MAST4: variants seen among roughly 807,000 people sequenced by gnomAD.
MAST4 encodes microtubule associated serine/threonine kinase family member 4, also known as microtubule-associated serine/threonine-protein kinase 4.
A neutral mutation model predicts 162.7 loss-of-function variants in MAST4; 89 were observed. The ratio of observed to expected loss-of-function variants is 0.55; its 90% CI spans 0.46 to 0.65. MAST4 has a LOEUF of 0.65. Ranked by LOEUF, MAST4 falls within the 30% of genes least tolerant of loss-of-function variation. The pLI is 0.00. For synonymous variants in MAST4, 1,479 were observed against 1,361.1 expected (o/e 1.09, Z -1.91); for missense variants, 3,153 against 3,374.0 (o/e 0.93, Z 1.62).
intron 4 of MAST4, among the ~76,000 whole-genome samples, chr5:66,958,256 A>G (rs1581013121): frequency 6.6e-6 from 1 of 152,174 alleles, no homozygotes; most frequent in South Asian, 2.1e-4. Flanking sequence ...TTTCTTTTCA[A>G]CAAACCAGGG....
At chr5:66,782,834 A>T (rs1315724592) in intron 2 of MAST4, among the ~76,000 whole-genome samples, 5 of 152,224 alleles carry the variant, frequency 3.3e-5, no homozygotes, top group African/African-American at 9.6e-5. Flanking sequence ...CCATTGACAG[A>T]TGCTAATTTT....
intron 3 of MAST4, among the ~76,000 whole-genome samples, chr5:66,861,834 C>T (rs994392219): frequency 1.2e-4 from 18 of 152,136 alleles, no homozygotes; most frequent in African/African-American, 4.3e-4. Context: ...AGTGATTACA[C>T]CCCGGTAGAA....
At chr5:67,145,005 C>A in intron 22 of MAST4, 139 bp from the exon 23 acceptor site, 1 of 898,466 alleles carries the variant, frequency 1.1e-6, no homozygotes, top group Non-Finnish European at 1.7e-6. Flanking sequence ...CTGTGGGTAC[C>A]ACACATTAAG....
chr5:66,706,238 A>G (rs190134318), intron 1 of MAST4, among the ~76,000 whole-genome samples: 95 of 152,278 alleles, frequency 6.2e-4, no homozygotes, highest in Non-Finnish European at 2.1e-4. Context: ...GACAAAGGAC[A>G]TTAGGGAAAT....
At chr5:66,799,983 CAATA>C (rs951098391) in intron 3 of MAST4, among the ~76,000 whole-genome samples, 5 of 152,132 alleles carry the variant, frequency 3.3e-5, no homozygotes, top group African/African-American at 1.2e-4. Flanking sequence ...CATAAGAACA[CAATA>C]AATATTAACT....
At chr5:66,935,674 C>CTTTT (rs113432423) in intron 4 of MAST4, among the ~76,000 whole-genome samples, 1 of 132,614 alleles carries the variant, frequency 7.5e-6, no homozygotes. Flanking sequence ...TTCTTTCTTT[C>CTTTT]TTTTTTTTTT....
intron 4 of MAST4, among the ~76,000 whole-genome samples, chr5:66,968,291 T>C (rs930740504): frequency 6.6e-6 from 1 of 152,192 alleles, no homozygotes; most frequent in African/African-American, 2.4e-5. Flanking sequence ...ATCTTTTTCT[T>C]TGCATCTCCC....
intron 11 of MAST4, 78 bp downstream of exon 11, chr5:67,110,277 G>T (rs1766085818): frequency 9.6e-7 from 1 of 1,038,770 alleles, no homozygotes; most frequent in Non-Finnish European, 1.5e-6. Flanking sequence ...TCCTTCATTT[G>T]GTTTCCAGCA....
intron 2 of MAST4, among the ~76,000 whole-genome samples, chr5:66,774,805 G>A (rs1032205464): frequency 6.6e-6 from 1 of 152,040 alleles, no homozygotes; most frequent in Non-Finnish European, 1.5e-5. Flanking sequence ...ACATATTCAA[G>A]TTTACTTGAA....
At chr5:67,142,578 T>TC in intron 21 of MAST4, 45 bp downstream of exon 21, 1 of 1,298,808 alleles carries the variant, frequency 7.7e-7, no homozygotes, top group Non-Finnish European at 1.1e-6. Context: ...TCTGGGAGGA[T>TC]CTCCCGCTGG....
chr5:66,767,620 AC>A (rs1255046257), intron 2 of MAST4, among the ~76,000 whole-genome samples: 1 of 152,018 alleles, frequency 6.6e-6, no homozygotes, highest in Non-Finnish European at 1.5e-5. Context: ...ACACACACAC[AC>A]ATATATATAA....
At chr5:66,857,947 A>C (rs6881559) in intron 3 of MAST4, among the ~76,000 whole-genome samples, 12,369 of 151,692 alleles carry the variant, frequency 0.082, 936 homozygotes, top group African/African-American at 0.19. Context: ...TTTTTTCTAA[A>C]TTTATTTTTT....
chr5:66,827,556 A>G lies in MAST4; in HGVS notation c.642+38762A>G, dbSNP rs552721594. Among the ~76,000 whole-genome samples the G allele has an allele frequency of 3.9e-5, 6 of 152,354 alleles. No individual in the cohort carries two copies. The East Asian group carries it at 1.2e-3, about 29-fold the overall frequency. On this transcript the variant is annotated intron_variant, in intron 3 of 28. Transcript: ENST00000403625. ...AGCGTATTAGTGTGTTGACAGACAG[A>G]AAGAGATGGAAAACCAGTGGAATAG... is the stretch of plus-strand genomic sequence containing the variant.
intron 5 of MAST4, among the ~76,000 whole-genome samples, chr5:67,069,713 G>C (rs1170343231): frequency 6.6e-6 from 1 of 152,122 alleles, no homozygotes; most frequent in African/African-American, 2.4e-5. Context: ...TGTTTATCTG[G>C]AGAAGCAACA....
At chr5:67,093,629 G>A in intron 6 of MAST4, 3 of 465,678 alleles carry the variant, frequency 6.4e-6, no homozygotes, top group South Asian at 4.6e-5. Flanking sequence ...TGTGTTTTCT[G>A]GAGCAAGCAA....
At chr5:67,127,672 C>T (rs1287988197) in intron 14 of MAST4, among the ~76,000 whole-genome samples, 1 of 151,986 alleles carries the variant, frequency 6.6e-6, no homozygotes, top group Non-Finnish European at 1.5e-5. Flanking sequence ...TTCTGTGCTC[C>T]TTTATATATC....
intron 6 of MAST4, 23 bp from the exon 7 acceptor site, chr5:67,095,574 A>G: frequency 6.3e-7 from 1 of 1,592,284 alleles, no homozygotes; most frequent in Non-Finnish European, 8.6e-7. Flanking sequence ...TGTTGGCCTA[A>G]GCTAAACTCA....
chr5:67,021,756 C>T (rs1203275287), intron 4 of MAST4, among the ~76,000 whole-genome samples: 1 of 152,194 alleles, frequency 6.6e-6, no homozygotes, highest in African/African-American at 2.4e-5. Context: ...CTAACTCCCA[C>T]ACACAGTGGA....
intron 1 of MAST4, among the ~76,000 whole-genome samples, chr5:66,667,891 G>A (rs1253556739): frequency 6.6e-6 from 1 of 151,960 alleles, no homozygotes; most frequent in Non-Finnish European, 1.5e-5. Flanking sequence ...AAATATTAAG[G>A]GCCAGGGTCC....
Sources: gnomAD v4.1 joint callset for allele counts (sites outside exome capture counted in the v4.1 genomes callset) on GRCh38, gnomAD v4.1.1 for gene constraint, MANE v1.5 for transcripts, NCBI Gene and HGNC (gene_info 2026-07-23, HGNC 2026-07-21) for gene names.